The following CFAP299 variants were observed in gnomAD, a reference collection of about 807,000 sequenced individuals.
The protein encoded by CFAP299 is cilia and flagella associated protein 299.
In CFAP299, 21 loss-of-function variants were observed where a neutral mutation model predicts 27.0. That is an observed-to-expected ratio of 0.78 (90% CI 0.55 to 1.12). CFAP299 has a LOEUF of 1.12. Ranked by LOEUF, CFAP299 falls within the 50% of genes most tolerant of loss-of-function variation. The probability of loss-of-function intolerance (pLI) is 0.00; values close to 1 mark genes in which losing one functional copy is unlikely to be tolerated. For synonymous variants in CFAP299, 104 were observed against 98.1 expected (o/e 1.06, Z -0.36); for missense variants, 310 against 276.6 (o/e 1.12, Z -0.86).
intron 3 of CFAP299, among the ~76,000 whole-genome samples, chr4:80,709,304 A>G (rs1384007402): frequency 2.6e-5 from 4 of 152,188 alleles, no homozygotes; most frequent in Non-Finnish European, 5.9e-5. Flanking sequence ...ATGAAAGCAA[A>G]TCATGCTGTT....
intron 2 of CFAP299, among the ~76,000 whole-genome samples, chr4:80,532,383 T>C (rs988781937): frequency 2.8e-4 from 42 of 152,196 alleles, no homozygotes; most frequent in African/African-American, 1.0e-3. Flanking sequence ...AAGTAGTCCA[T>C]TATAATCTTT....
At chr4:80,948,623 A>C (rs1737598584) in intron 5 of CFAP299, among the ~76,000 whole-genome samples, 1 of 152,072 alleles carries the variant, frequency 6.6e-6, no homozygotes, top group African/African-American at 2.4e-5. Context: ...TAAAACTGGC[A>C]TGAACCACTA....
chr4:80,349,604 A>T (rs1026175007), intron 1 of CFAP299, among the ~76,000 whole-genome samples: 1 of 152,242 alleles, frequency 6.6e-6, no homozygotes, highest in Non-Finnish European at 1.5e-5. Flanking sequence ...TAATAATGTC[A>T]GAGTGAAAAT....
intron 3 of CFAP299, among the ~76,000 whole-genome samples, chr4:80,852,526 G>A (rs1479167845): frequency 3.6e-4 from 54 of 152,098 alleles, no homozygotes; most frequent in Non-Finnish European, 2.9e-5. Flanking sequence ...TGTTTTTATG[G>A]CAAACAAAAA....
intron 3 of CFAP299, among the ~76,000 whole-genome samples, chr4:80,771,831 A>G (rs1726231360): frequency 6.6e-6 from 1 of 152,238 alleles, no homozygotes; most frequent in South Asian, 2.1e-4. Flanking sequence ...AGTTGCAAGC[A>G]TTGATTTCCT....
chr4:80,691,868 A>G (rs993111593), intron 3 of CFAP299, among the ~76,000 whole-genome samples: 2 of 152,224 alleles, frequency 1.3e-5, no homozygotes, highest in Non-Finnish European at 1.5e-5. Context: ...AAATCAATGT[A>G]CAAAAATCAC....
At chr4:80,400,639 C>T (rs1560549514) in intron 2 of CFAP299, among the ~76,000 whole-genome samples, 1 of 152,136 alleles carries the variant, frequency 6.6e-6, no homozygotes, top group African/African-American at 2.4e-5. Flanking sequence ...AATTAAACCC[C>T]TTTTTTCTTC....
chr4:80,904,437 C>T (rs772936397), intron 4 of CFAP299, among the ~76,000 whole-genome samples: 1 of 152,136 alleles, frequency 6.6e-6, no homozygotes, highest in Non-Finnish European at 1.5e-5. Context: ...TGCTTGGGTT[C>T]TATGGGGAAC....
intron 3 of CFAP299, among the ~76,000 whole-genome samples, chr4:80,690,415 A>C (rs1326970438): frequency 6.6e-6 from 1 of 152,250 alleles, no homozygotes; most frequent in African/African-American, 2.4e-5. Context: ...AACTATAGGG[A>C]AACTGAACAA....
intron 2 of CFAP299, among the ~76,000 whole-genome samples, chr4:80,550,966 T>TA (rs1276358191): frequency 2.0e-5 from 3 of 152,064 alleles, no homozygotes; most frequent in African/African-American, 7.2e-5. Context: ...TAAAGAAACT[T>TA]AAAAAAATAT....
chr4:80,658,233 T>A (rs1740664573), intron 3 of CFAP299, among the ~76,000 whole-genome samples: 1 of 152,282 alleles, frequency 6.6e-6, no homozygotes, highest in Non-Finnish European at 1.5e-5. Context: ...TTCTTTATCT[T>A]GCCTGATTGC....
chr4:80,775,347 G>A (rs753185245), intron 3 of CFAP299, among the ~76,000 whole-genome samples: 11 of 151,738 alleles, frequency 7.2e-5, no homozygotes, highest in Non-Finnish European at 1.0e-4. Context: ...TATGCTTCTC[G>A]TATATCTAAG....
intron 2 of CFAP299, among the ~76,000 whole-genome samples, chr4:80,367,100 T>C (rs1016426152): frequency 6.6e-6 from 1 of 152,148 alleles, no homozygotes; most frequent in Non-Finnish European, 1.5e-5. Flanking sequence ...CTTCTTGGTG[T>C]GATAATATGT....
intron 4 of CFAP299, among the ~76,000 whole-genome samples, chr4:80,907,889 A>G (rs1330584861): frequency 2.0e-5 from 3 of 152,154 alleles, no homozygotes; most frequent in Non-Finnish European, 4.4e-5. Context: ...GGAAAAAAAC[A>G]TTGAGTTCAC....
chr4:80,767,154 T>A (rs1165170803), intron 3 of CFAP299, among the ~76,000 whole-genome samples: 1 of 152,112 alleles, frequency 6.6e-6, no homozygotes, highest in Non-Finnish European at 1.5e-5. Flanking sequence ...TTCCTCTATG[T>A]ACAATATACA....
intron 4 of CFAP299, among the ~76,000 whole-genome samples, chr4:80,904,882 C>G (rs1010288486): frequency 1.3e-5 from 2 of 152,078 alleles, no homozygotes; most frequent in African/African-American, 2.4e-5. Flanking sequence ...AACATGTGTC[C>G]TAAGTCTTTG....
At chr4:80,740,927 C>A (rs1724225113) in intron 3 of CFAP299, among the ~76,000 whole-genome samples, 1 of 152,160 alleles carries the variant, frequency 6.6e-6, no homozygotes, top group South Asian at 2.1e-4. Flanking sequence ...GTGGGACCCA[C>A]CCTTCAGGGC....
At chr4:80,776,243 C>T (rs887589033) in intron 3 of CFAP299, among the ~76,000 whole-genome samples, 2 of 152,006 alleles carry the variant, frequency 1.3e-5, no homozygotes, top group African/African-American at 4.8e-5. Context: ...AGAACTTTGC[C>T]AGAAGCTCAT....
At chr4:80,658,153 G>A (rs1239260052) in intron 3 of CFAP299, among the ~76,000 whole-genome samples, 3 of 152,028 alleles carry the variant, frequency 2.0e-5, no homozygotes, top group Non-Finnish European at 4.4e-5. Context: ...GGGTTTTCTA[G>A]GTATACAATC....
Sources: allele counts gnomAD v4.1 joint callset (sites outside exome capture counted in the v4.1 genomes callset), GRCh38; gene constraint gnomAD v4.1.1; transcripts MANE v1.5; gene names NCBI Gene and HGNC (gene_info 2026-07-23, HGNC 2026-07-21).